Variants in CACNG8 observed in about 807,000 individuals in gnomAD.
CACNG8 encodes voltage-dependent calcium channel gamma-8 subunit.
CACNG8 carries 5 observed loss-of-function variants against 26.9 expected under a neutral mutation model. The ratio of observed to expected loss-of-function variants is 0.19; its 90% CI spans 0.10 to 0.39. The LOEUF (loss-of-function observed/expected upper bound fraction) is 0.39, where lower values mean the gene tolerates loss of function less well. Ranked by LOEUF, CACNG8 falls within the 10% of genes least tolerant of loss-of-function variation. The pLI, the probability that CACNG8 is intolerant of heterozygous loss-of-function variation, is 1.00. For missense variants in CACNG8, 473 were observed against 609.4 expected (o/e 0.78, Z 2.36); for synonymous variants, 321 against 296.7 (o/e 1.08, Z -0.84).
At chr19:53,964,959 T>C (rs2069264172) in intron 1 of CACNG8, among the ~76,000 whole-genome samples, 1 of 152,146 alleles carries the variant, frequency 6.6e-6, no homozygotes, top group African/African-American at 2.4e-5. Context: ...CTCTATTTCC[T>C]CTGCCCCTTC....
intron 1 of CACNG8, among the ~76,000 whole-genome samples, chr19:53,975,466 T>G (rs112964132): frequency 0.016 from 2,452 of 152,118 alleles, 69 homozygotes; most frequent in African/African-American, 0.054. Flanking sequence ...TGCAACCTCC[T>G]CTTCCCAGAT....
In CACNG8 at chr19:53,985,577, T is replaced by A. The variant is rs1163075557; in HGVS notation, c.*2728T>A. The A allele has an allele frequency of 6.6e-6, 1 of 152,162 alleles. No homozygotes were observed. The highest frequency in any genetic ancestry group is 1.9e-4 in the East Asian group (1 of 5,172). 9.4% of individuals were successfully genotyped at this position (152,162 alleles called of 1,614,324 possible). A position where few individuals can be genotyped will look rare whatever the true frequency, so the allele number is the denominator to read the frequency against. ...AAAAGAGACAAATCTGGCCGGGTGC[T>A]GTGGCTCCTAATCCCAGCACTTTGG... On this transcript the variant is annotated 3_prime_UTR_variant, in exon 4 of 4. Transcript: ENST00000270458.
chr19:53,970,245 G>C lies in CACNG8; in HGVS notation c.283+6820G>C, dbSNP rs992149930. ...GCAGGAGAATCGCTTGAACCCAGGA[G>C]GCAGAGGTTGCAGTGAGCCGAGATG... On this transcript the variant is annotated intron_variant, in intron 1 of 3. Coordinates refer to ENST00000270458, the MANE Select transcript of CACNG8 (RefSeq NM_031895.6). Among the ~76,000 whole-genome samples the C allele has an allele frequency of 6.6e-5, 10 of 152,266 alleles. No individual in the cohort carries two copies. In the East Asian group the frequency reaches 1.7e-3, roughly 26 times the overall value.
At position 53,985,900 on chromosome 19, in the gene CACNG8, G is replaced by A. The variant is rs1232702763; in HGVS notation, c.*3051G>A. Reference sequence around the variant, plus strand: ...GGAAGAGGGAGAGGGAACTGGTTAGGGGAGAATGGATTCTAGAGTCTGAAG... The same window carrying A: ...GGAAGAGGGAGAGGGAACTGGTTAGAGGAGAATGGATTCTAGAGTCTGAAG... On this transcript the variant is annotated 3_prime_UTR_variant, in exon 4 of 4. Transcript: ENST00000270458. 6.6e-6 allele frequency: 1 copy of A among 151,672 alleles called. No homozygotes were observed. Among genetic ancestry groups the A allele is most frequent in the Non-Finnish European group, 1.5e-5 (1 of 68,060 alleles). 9.4% of individuals were successfully genotyped at this position (151,672 alleles called of 1,614,324 possible).
In CACNG8 at chr19:53,979,053, GA is replaced by G. The variant is rs1042934708; in HGVS notation, c.368-805del. Among the ~76,000 whole-genome samples the G allele has an allele frequency of 4.3e-5, 6 of 139,762 alleles. No individual in the cohort carries two copies. The South Asian group carries it at 9.7e-4, about 23-fold the overall frequency. The allele number at this position is 139,762 out of a possible 152,430, so 91.7% of individuals were successfully genotyped here. On this transcript the variant is annotated intron_variant, in intron 2 of 3. Transcript: ENST00000270458. ...CTAGGAAGACAGATGAGGCCAGGCAGAAAAAAAAAGAGGGGGGAGAGACCTA... is the reference window on the plus strand; with the variant it reads ...CTAGGAAGACAGATGAGGCCAGGCAGAAAAAAAAGAGGGGGGAGAGACCTA...
At chr19:53,981,682 A>AG (rs1326920463) in intron 3 of CACNG8, among the ~76,000 whole-genome samples, 1 of 151,382 alleles carries the variant, frequency 6.6e-6, no homozygotes, top group East Asian at 2.0e-4. Context: ...AGACCATCTG[A>AG]GGGGGTGCTT....
At position 53,982,690 on chromosome 19, in the gene CACNG8, C is replaced by T. The variant is rs2069379899; in HGVS notation, c.1119C>T (p.Pro373=). The change falls in exon 4 of 4, where the codon CCC becomes CCT. Residue 373 remains proline, a synonymous_variant. Coordinates refer to ENST00000270458, the MANE Select transcript of CACNG8 (RefSeq NM_031895.6). The surrounding 1 kb of genome is among the most constrained non-coding windows in gnomAD (Gnocchi z 8.4). ...TCCTCACGCTGCACAACGCCTTCCC[C>T]AAGGAGGCGGGCGGCGGCGTCACGG... The T allele has an allele frequency of 8.8e-7, 1 of 1,136,528 alleles. No individual in the cohort carries two copies. The allele number at this position is 1,136,528 out of a possible 1,614,324, so 70.4% of individuals were successfully genotyped here. A position where few individuals can be genotyped will look rare whatever the true frequency, so the allele number is the denominator to read the frequency against.
chr19:53,970,924 C>G (rs1344115509), intron 1 of CACNG8, among the ~76,000 whole-genome samples: 1 of 134,838 alleles, frequency 7.4e-6, no homozygotes, highest in Non-Finnish European at 1.6e-5. Flanking sequence ...AGAGCAAGAC[C>G]CTATCTCAAA....
At chr19:53,980,090 G>GCT (rs1381606754) in intron 3 of CACNG8, 83 bp downstream of exon 3, 45 of 1,368,466 alleles carry the variant, frequency 3.3e-5, no homozygotes, top group Non-Finnish European at 4.1e-5. Flanking sequence ...GTGTGTGCGC[G>GCT]CGCGCGCGTG....
chr19:53,968,563 T>C (rs1428007198), intron 1 of CACNG8, among the ~76,000 whole-genome samples: 1 of 150,536 alleles, frequency 6.6e-6, no homozygotes, highest in Non-Finnish European at 1.5e-5. Flanking sequence ...AGGTCAGGAG[T>C]TCGAGACCAG....
chr19:53,973,025 G>A (rs894204081), intron 1 of CACNG8, among the ~76,000 whole-genome samples: 4 of 152,158 alleles, frequency 2.6e-5, no homozygotes, highest in African/African-American at 9.7e-5. Flanking sequence ...CCGAGGGTTT[G>A]TCCTAGGGAC....
In CACNG8 at chr19:53,983,567, G is replaced by A. The variant is rs1358429822; in HGVS notation, c.*718G>A. The A allele has an allele frequency of 2.0e-5, 3 of 152,306 alleles. No homozygotes were observed. The highest frequency in any genetic ancestry group is 6.5e-5 in the Admixed American group (1 of 15,298). 9.4% of individuals were successfully genotyped at this position (152,306 alleles called of 1,614,324 possible). On this transcript the variant is annotated 3_prime_UTR_variant, in exon 4 of 4. Transcript: ENST00000270458. ...CAGGAAAACAGCCAGGGGCCCCGAC[G>A]TCTCATAGAGTAAACATCTTGTGCA...
At chr19:53,966,443 T>C (rs2069272911) in intron 1 of CACNG8, among the ~76,000 whole-genome samples, 1 of 152,208 alleles carries the variant, frequency 6.6e-6, no homozygotes, top group African/African-American at 2.4e-5. Context: ...GGCAGGGTTT[T>C]GCTCTGTCAC....
intron 2 of CACNG8, among the ~76,000 whole-genome samples, chr19:53,978,530 T>A (rs1399298780): frequency 6.6e-6 from 1 of 151,716 alleles, no homozygotes; most frequent in Non-Finnish European, 1.5e-5. Flanking sequence ...GGTTGTGGAA[T>A]CCCGGACTGG....
intron 1 of CACNG8, among the ~76,000 whole-genome samples, chr19:53,974,621 TTTTATTTA>T (rs56177853): frequency 2.0e-5 from 3 of 150,682 alleles, no homozygotes; most frequent in Admixed American, 1.3e-4. Context: ...ACACGTGTTA[TTTTATTTA>T]TTTATTTATT....
chr19:53,980,986 T>TGAGACCGGCAAGGACCC (rs1013889996), intron 3 of CACNG8, among the ~76,000 whole-genome samples: 14 of 151,832 alleles, frequency 9.2e-5, no homozygotes, highest in African/African-American at 3.1e-4. Flanking sequence ...TAGCTGGACC[T>TGAGACCGGCAAGGACCC]GAGACCGGCA....
Position 53,982,548 on chromosome 19 carries a change from G to C in CACNG8, c.977G>C (p.Gly326Ala). ...GTGGCCGCGGGGCTGGCGGGGGCCG[G>C]CGGCGGCGGCGGCGGCGCCGTGGGG... is the stretch of plus-strand genomic sequence containing the variant. The change falls in exon 4 of 4, where the codon GGC becomes GCC. Residue 326 changes from glycine to alanine, a missense_variant. By Grantham distance (60) the Gly-to-Ala change is moderately conservative. Transcript: ENST00000270458. This position sits in a 1 kb window ranked among gnomAD's most constrained non-coding sequence, Gnocchi z 8.4. 1.8e-6 allele frequency: 2 copies of C among 1,123,320 alleles called. No homozygotes were observed. The highest frequency in any genetic ancestry group is 2.2e-6 in the Non-Finnish European group (2 of 910,722). 69.6% of individuals were successfully genotyped at this position (1,123,320 alleles called of 1,614,324 possible). A position where few individuals can be genotyped will look rare whatever the true frequency, so the allele number is the denominator to read the frequency against.
At chr19:53,964,990 T>G (rs1224439660) in intron 1 of CACNG8, among the ~76,000 whole-genome samples, 1 of 152,178 alleles carries the variant, frequency 6.6e-6, no homozygotes, top group Non-Finnish European at 1.5e-5. Flanking sequence ...TTGCTGAGTG[T>G]TCACGACAAG....
At position 53,989,540 on chromosome 19, in the gene CACNG8, C is replaced by T. The variant is rs2145946648; in HGVS notation, c.*6691C>T. 1 of 152,398 alleles carries T rather than the reference C, an allele frequency of 6.6e-6. No individual in the cohort carries two copies. Among genetic ancestry groups the T allele is most frequent in the South Asian group, 2.1e-4 (1 of 4,820 alleles). 9.4% of individuals were successfully genotyped at this position (152,398 alleles called of 1,614,324 possible). On this transcript the variant is annotated 3_prime_UTR_variant, in exon 4 of 4. Coordinates refer to ENST00000270458, the MANE Select transcript of CACNG8 (RefSeq NM_031895.6). ...AATATTTCCTGAGGACTTCCAAGTA[C>T]AAGGCCCTGCAATCTCAGGCCACTT...
Sources: gnomAD v4.1 joint callset for allele counts (sites outside exome capture counted in the v4.1 genomes callset) on GRCh38, gnomAD v4.1.1 for gene constraint, Gnocchi (gnomAD v3.1) non-coding constraint, MANE v1.5 for transcripts, NCBI Gene and HGNC (gene_info 2026-07-23, HGNC 2026-07-21) for gene names.